Variants in SH2D4B observed in about 807,000 individuals in gnomAD.
SH2D4B encodes SH2 domain-containing protein 4B.
SH2D4B carries 45 observed loss-of-function variants against 61.5 expected under a neutral mutation model. That is an observed-to-expected ratio of 0.73 (90% CI 0.58 to 0.94). SH2D4B has a LOEUF of 0.94. SH2D4B is among the 40% of genes least tolerant of loss of function. SH2D4B has a pLI of 0.00. For synonymous variants in SH2D4B, 224 were observed against 220.4 expected (o/e 1.02, Z -0.14); for missense variants, 572 against 574.2 (o/e 1.00, Z 0.04).
rs1333606162 is a variant in SH2D4B, at chr10:80,609,406, C to A, written c.861-18C>A. ...CCCTCCCTGACTCTTCTGCCCTCCC[C>A]ACTTTCTTTCTCTTCAGCAGGACCT... On this transcript the variant is annotated intron_variant, in intron 5 of 7. Transcript: ENST00000646907. 2 of 1,610,854 alleles carry A rather than the reference C, an allele frequency of 1.2e-6. No individual in the cohort carries two copies. Among genetic ancestry groups the A allele is most frequent in the Non-Finnish European group, 1.7e-6 (2 of 1,177,996 alleles).
rs138887999 is a variant in SH2D4B at position 80,569,528 on chromosome 10, T to C, written c.185-626T>C. Among the ~76,000 whole-genome samples the C allele has an allele frequency of 5.7e-3, 607 of 107,428 alleles. 5 individuals carry two copies. The highest frequency in any genetic ancestry group is 0.02 in the African/African-American group (574 of 28,036). 70.5% of individuals were successfully genotyped at this position (107,428 alleles called of 152,430 possible). A position where few individuals can be genotyped will look rare whatever the true frequency, so the allele number is the denominator to read the frequency against. On this transcript the variant is annotated intron_variant, in intron 1 of 7. Transcript: ENST00000646907. ...TATGAATTTTGGGTTTCTTTTATGT[T>C]AAGGGAAGGGGGAAGAGGCGGGGGG... is the stretch of plus-strand genomic sequence containing the variant.
intron 1 of SH2D4B, among the ~76,000 whole-genome samples, chr10:80,547,688 T>C (rs929195926): frequency 4.6e-5 from 7 of 152,190 alleles, no homozygotes; most frequent in African/African-American, 1.7e-4. Context: ...ACCATGTAAA[T>C]ATTCAAGGAA....
At chr10:80,585,913 G>A (rs1448794187) in intron 3 of SH2D4B, among the ~76,000 whole-genome samples, 1 of 152,026 alleles carries the variant, frequency 6.6e-6, no homozygotes, top group East Asian at 1.9e-4. Flanking sequence ...TGCACGTGGC[G>A]CTTGCGGGCC....
rs768327117 is a variant in SH2D4B, at chr10:80,634,305, G to T, written c.1009G>T (p.Ala337Ser). The change falls in exon 7 of 8, where the codon GCA becomes TCA. Residue 337 changes from alanine to serine, a missense_variant. By Grantham distance (99) the Ala-to-Ser change is moderately conservative. Coordinates refer to ENST00000646907, the MANE Select transcript of SH2D4B (RefSeq NM_001388272.1). ...ATCAGGAATTATTAGCCGAGAAGATGCAGAAGCTCTCCTGGAGAACATGAC... is the reference window on the plus strand; with the variant it reads ...ATCAGGAATTATTAGCCGAGAAGATTCAGAAGCTCTCCTGGAGAACATGAC... ...WFHGIISRED[A>S]EALLENMTEG... The T allele has an allele frequency of 3.4e-5, 52 of 1,514,152 alleles. 1 individual carries two copies. The highest frequency in any genetic ancestry group is 6.8e-5 in the Admixed American group (3 of 44,288). The allele number at this position is 1,514,152 out of a possible 1,614,324, so 93.8% of individuals were successfully genotyped here. A position where few individuals can be genotyped will look rare whatever the true frequency, so the allele number is the denominator to read the frequency against.
chr10:80,634,528 T>C lies in SH2D4B; in HGVS notation c.1209+23T>C, dbSNP rs1564531168. On this transcript the variant is annotated intron_variant, in intron 7 of 7. Coordinates refer to ENST00000646907, the MANE Select transcript of SH2D4B (RefSeq NM_001388272.1). ...AAGGTATCCCTCACAGGGATACTAA[T>C]GGGGGGGAGGGGGAACTGGTGGAAA... 5 of 1,544,672 alleles carry C rather than the reference T, an allele frequency of 3.2e-6. No homozygotes were observed. The South Asian group carries it at 3.6e-5, about 11-fold the overall frequency.
At position 80,538,718 on chromosome 10, in the gene SH2D4B, G is replaced by A. The variant is rs1293146420; in HGVS notation, c.184+203G>A. Reference sequence around the variant, plus strand: ...AGGACCTTAGGGCTTCGAGGCTGCTGCAGAGGCTGTCCAGCGGCCCTTATT... The same window carrying A: ...AGGACCTTAGGGCTTCGAGGCTGCTACAGAGGCTGTCCAGCGGCCCTTATT... On this transcript the variant is annotated intron_variant, in intron 1 of 7. Transcript: ENST00000646907. The surrounding 1 kb of genome is among the most constrained non-coding windows in gnomAD (Gnocchi z 4.8). 6.6e-5 allele frequency among the ~76,000 whole-genome samples: 10 copies of A among 152,246 alleles called. No individual in the cohort carries two copies. The highest frequency in any genetic ancestry group is 1.5e-5 in the Non-Finnish European group (1 of 68,038).
chr10:80,595,221 T>A (rs1447784017), intron 4 of SH2D4B, among the ~76,000 whole-genome samples: 1 of 152,132 alleles, frequency 6.6e-6, no homozygotes, highest in African/African-American at 2.4e-5. Context: ...GATTATCCTG[T>A]ATGCAGATGC....
At chr10:80,619,924 T>C (rs927368299) in intron 6 of SH2D4B, among the ~76,000 whole-genome samples, 1 of 152,208 alleles carries the variant, frequency 6.6e-6, no homozygotes, top group Non-Finnish European at 1.5e-5. Context: ...AGCCACTCCT[T>C]ACCCTCCACA....
At position 80,587,150 on chromosome 10, in the gene SH2D4B, TG is replaced by T. The variant is rs1564775933; in HGVS notation, c.496-1479del. Among the ~76,000 whole-genome samples, 45 of 64,962 alleles carry T rather than the reference TG, an allele frequency of 6.9e-4. 4 individuals carry two copies. The highest frequency in any genetic ancestry group is 1.9e-3 in the African/African-American group (13 of 6,904). 42.6% of individuals were successfully genotyped at this position (64,962 alleles called of 152,430 possible). A position where few individuals can be genotyped will look rare whatever the true frequency, so the allele number is the denominator to read the frequency against. On this transcript the variant is annotated intron_variant, in intron 3 of 7. Coordinates refer to ENST00000646907, the MANE Select transcript of SH2D4B (RefSeq NM_001388272.1). ...GCCACGTTTTTTTTTTTTTTTGTTT[TG>T]TTTTTTTTTTTTTTTTTGGAGACGC...
At chr10:80,605,605 G>A (rs950660416) in intron 5 of SH2D4B, among the ~76,000 whole-genome samples, 8 of 152,042 alleles carry the variant, frequency 5.3e-5, no homozygotes, top group East Asian at 3.9e-4. Flanking sequence ...TGCAACCTCC[G>A]CCTCCCAGGT....
At chr10:80,574,388 G>A (rs983304845) in intron 3 of SH2D4B, among the ~76,000 whole-genome samples, 25 of 152,106 alleles carry the variant, frequency 1.6e-4, no homozygotes, top group Admixed American at 1.1e-3. Flanking sequence ...CACCTACCTT[G>A]GCCTCCCAAA....
At chr10:80,637,198 T>A (rs367564529) in intron 7 of SH2D4B, among the ~76,000 whole-genome samples, 1 of 152,052 alleles carries the variant, frequency 6.6e-6, no homozygotes, top group Non-Finnish European at 1.5e-5. Flanking sequence ...GTAGCCTTGT[T>A]GTATAGTTTG....
intron 6 of SH2D4B, among the ~76,000 whole-genome samples, chr10:80,612,296 TC>T (rs1842612607): frequency 6.6e-6 from 1 of 150,606 alleles, no homozygotes; most frequent in Non-Finnish European, 1.5e-5. Context: ...GGCTAGGACT[TC>T]CTCTGTACCA....
Position 80,579,513 on chromosome 10 carries a change from G to GT in SH2D4B, c.495+7935_495+7936insT, listed in dbSNP as rs1842165397. ...CCTTCTGTTCAAGACCACAGAACAC[G>GT]GCTCAATAAACATCCTGTGCTCTTC... On this transcript the variant is annotated intron_variant, in intron 3 of 7. Coordinates refer to ENST00000646907, the MANE Select transcript of SH2D4B (RefSeq NM_001388272.1). Among the ~76,000 whole-genome samples, 23 of 151,968 alleles carry GT rather than the reference G, an allele frequency of 1.5e-4. 1 individual carries two copies. The highest frequency in any genetic ancestry group is 1.5e-3 in the Admixed American group (23 of 15,260).
chr10:80,572,984 A>ATTTTTTTTTTTTTTTTTTTTTTT, intron 3 of SH2D4B, among the ~76,000 whole-genome samples: 1 of 8,294 alleles, frequency 1.2e-4, no homozygotes, highest in Non-Finnish European at 2.1e-4. Context: ...ATATATATAT[A>ATTTTTTTTTTTTTTTTTTTTTTT]TATTTTTTTT....
intron 1 of SH2D4B, among the ~76,000 whole-genome samples, chr10:80,562,062 C>CACACACACACAT (rs35404674): frequency 1.4e-5 from 2 of 144,620 alleles, no homozygotes; most frequent in Admixed American, 6.9e-5. Flanking sequence ...CACACACACA[C>CACACACACACAT]ATATATAAAA....
intron 7 of SH2D4B, among the ~76,000 whole-genome samples, chr10:80,637,570 A>G (rs1308747339): frequency 1.3e-5 from 2 of 152,088 alleles, no homozygotes; most frequent in African/African-American, 4.8e-5. Flanking sequence ...TTCACTCATG[A>G]TTTGGCTCTC....
chr10:80,547,475 C>T (rs1841693838), intron 1 of SH2D4B, among the ~76,000 whole-genome samples: 2 of 151,896 alleles, frequency 1.3e-5, no homozygotes, highest in Non-Finnish European at 2.9e-5. Context: ...GAGCAGATGC[C>T]CCAGATATCT....
At chr10:80,578,115 G>A (rs958866311) in intron 3 of SH2D4B, among the ~76,000 whole-genome samples, 1 of 151,926 alleles carries the variant, frequency 6.6e-6, no homozygotes, top group Non-Finnish European at 1.5e-5. Context: ...GGACTACAGG[G>A]ATGCACCACC....
Sources: gnomAD v4.1 joint callset for allele counts (sites outside exome capture counted in the v4.1 genomes callset) on GRCh38, gnomAD v4.1.1 for gene constraint, Gnocchi (gnomAD v3.1) non-coding constraint, MANE v1.5 for transcripts, NCBI Gene and HGNC (gene_info 2026-07-23, HGNC 2026-07-21) for gene names.